The following MYO1C variants were observed in gnomAD, a reference collection of about 807,000 sequenced individuals.
The protein encoded by MYO1C is myosin IC.
A neutral mutation model predicts 150.8 loss-of-function variants in MYO1C; 104 were observed. The observed-to-expected ratio is 0.69, with a 90% confidence interval of 0.59 to 0.81. The LOEUF (loss-of-function observed/expected upper bound fraction) is 0.81. Ranked by LOEUF, MYO1C falls within the 30% of genes least tolerant of loss-of-function variation. The pLI is 0.00. For missense variants in MYO1C, 1,504 were observed against 1,435.0 expected (o/e 1.05, Z -0.78); for synonymous variants, 663 against 579.9 (o/e 1.14, Z -2.06).
intron 31 of MYO1C, 34 bp downstream of exon 31, chr17:1,467,208 C>A: frequency 6.3e-7 from 1 of 1,577,778 alleles, no homozygotes; most frequent in Non-Finnish European, 8.6e-7. Flanking sequence ...GCTATCACAG[C>A]CAGGCCATAA....
chr17:1,466,521 G>C (rs887832556), intron 31 of MYO1C, among the ~76,000 whole-genome samples: 4 of 152,024 alleles, frequency 2.6e-5, no homozygotes, highest in Non-Finnish European at 5.9e-5. Flanking sequence ...TAGAGATGGG[G>C]TTTCTCCAGT....
rs771747362 is a variant in MYO1C, at chr17:1,479,592, C to G, written c.1020G>C (p.Arg340Ser). Residue 340 changes from arginine to serine, a missense_variant and splice_region_variant, in exon 8 of 32, where the codon AGG (arginine) becomes AGC (serine). Transcript: ENST00000648651. The surrounding 1 kb of genome is among the most constrained non-coding windows in gnomAD (Gnocchi z 4.2). ...TTENQLKYLTRLLSVEGSTLR... is the reference protein window; with the variant it reads ...TTENQLKYLTSLLSVEGSTLR... ...GTCGCCCTCTGCCCGCCCCACTCAC[C>G]CTGGTCAGATACTTGAGCTGGTTCT... The G allele has an allele frequency of 6.2e-7, 1 of 1,611,350 alleles. No homozygotes were observed. Among genetic ancestry groups the G allele is most frequent in the South Asian group, 1.1e-5 (1 of 90,188 alleles).
chr17:1,480,531 A>C lies in MYO1C; in HGVS notation c.902T>G (p.Val301Gly). Residue 301 changes from valine to glycine, a missense_variant, in exon 7 of 32, where the codon GTG (valine) becomes GGG (glycine). Val to Gly is a moderately radical substitution (Grantham distance 109). Transcript: ENST00000648651. ...GGGTCCCGGAAGAGGCCTCACCTCC[A>C]CTTCATCCTCGGTGAAATCAATGAC... ...LTVIDFTEDE[V>G]EDLLSIVASV... 1.2e-6 allele frequency: 2 copies of C among 1,612,208 alleles called. No individual in the cohort carries two copies. The highest frequency in any genetic ancestry group is 1.7e-6 in the Non-Finnish European group (2 of 1,178,372).
chr17:1,470,305 G>T lies in MYO1C; in HGVS notation c.2396C>A (p.Ala799Asp). The T allele has an allele frequency of 6.4e-7, 1 of 1,570,258 alleles. No homozygotes were observed. The highest frequency in any genetic ancestry group is 8.6e-7 in the Non-Finnish European group (1 of 1,158,010). ...GAAGGCGTTCTCGGGGCAGCGGGGG[G>T]CGTGGCGCAGGACGAAGCCTCGGAT... Reference protein sequence around the residue: ...RLIRGFVLRHAPRCPENAFFL... With the variant: ...RLIRGFVLRHDPRCPENAFFL... The change falls in exon 24 of 32, where the codon GCC (alanine) becomes GAC (aspartate). Residue 799 changes from alanine (A) to aspartate (D), a missense_variant. Coordinates refer to ENST00000648651, the MANE Select transcript of MYO1C (RefSeq NM_001080779.2).
chr17:1,492,200 G>A (rs2074743061), intron 1 of MYO1C, among the ~76,000 whole-genome samples: 1 of 152,228 alleles, frequency 6.6e-6, no homozygotes, highest in African/African-American at 2.4e-5. Context: ...GAAGAGTCAA[G>A]CCCAGACCTC....
At position 1,482,965 on chromosome 17, in the gene MYO1C, C is replaced by A; in HGVS notation, c.442G>T (p.Glu148Ter). 6.2e-7 allele frequency: 1 copy of A among 1,612,170 alleles called. No individual in the cohort carries two copies. Among genetic ancestry groups the A allele is most frequent in the Non-Finnish European group, 8.5e-7 (1 of 1,179,844 alleles). The change falls in exon 4 of 32, where the codon GAG becomes TAG. Residue 148 changes from glutamate to a stop codon, truncating the protein, a stop_gained. Transcript: ENST00000648651. LOFTEE classifies it high-confidence loss of function. ...AACTGCAGCAGCCTCTTGGTGGCCT[C>A]GGTCTTGCCTGCCCCGCTCTCCCCA... ...ISGESGAGKTEATKRLLQFYA... is the reference protein window; with the variant it reads ...ISGESGAGKT
At chr17:1,471,853 G>A (rs1398305462) in intron 19 of MYO1C, 54 bp downstream of exon 19, 17 of 1,564,668 alleles carry the variant, frequency 1.1e-5, no homozygotes, top group South Asian at 4.4e-5. Context: ...TGGGACCTAG[G>A]GGCTCCTACC....
chr17:1,472,496 A>C, intron 17 of MYO1C: 2 of 503,308 alleles, frequency 4.0e-6, no homozygotes, highest in South Asian at 2.5e-5. Context: ...TCAGTGCTAC[A>C]CCTCCCTTTA....
chr17:1,472,314 G>A (rs1437523451), intron 17 of MYO1C, 86 bp from the exon 18 acceptor site: 77 of 1,163,442 alleles, frequency 6.6e-5, no homozygotes, highest in Non-Finnish European at 8.6e-5. Context: ...CCCCTGGCTG[G>A]TGACGCGCGC....
intron 1 of MYO1C, chr17:1,485,395 C>A: frequency 9.5e-7 from 1 of 1,049,872 alleles, no homozygotes; most frequent in South Asian, 3.2e-5. Flanking sequence ...GTCCTCACCG[C>A]CCCGCTCCAA....
At chr17:1,477,663 C>T in intron 13 of MYO1C, 67 bp from the exon 14 acceptor site, 1 of 1,306,212 alleles carries the variant, frequency 7.7e-7, no homozygotes. Flanking sequence ...GGATTGGGGT[C>T]ACCGTGCTGG....
Position 1,479,482 on chromosome 17 carries a change from C to T in MYO1C, c.1041G>A (p.Ser347=), listed in dbSNP as rs200721126. 2.0e-6 allele frequency: 3 copies of T among 1,518,342 alleles called. No homozygotes were observed. The highest frequency in any genetic ancestry group is 2.7e-6 in the Non-Finnish European group (3 of 1,117,838). The allele number at this position is 1,518,342 out of a possible 1,614,324, so 94.1% of individuals were successfully genotyped here. A position where few individuals can be genotyped will look rare whatever the true frequency, so the allele number is the denominator to read the frequency against. The part of the protein sequence containing the change: ...YLTRLLSVEG[S]TLREALTHRK... Reference sequence around the variant, plus strand: ...TGTGTGTCAGGGCTTCTCGCAGCGTCGAGCCTTCCACGCTGAGGAGCTGCC... The same window carrying T: ...TGTGTGTCAGGGCTTCTCGCAGCGTTGAGCCTTCCACGCTGAGGAGCTGCC... Residue 347 remains serine (S), a synonymous_variant, in exon 9 of 32, where the codon TCG becomes TCA. Transcript: ENST00000648651. This position sits in a 1 kb window ranked among gnomAD's most constrained non-coding sequence, Gnocchi z 4.2.
Position 1,474,659 on chromosome 17 carries a change from C to T in MYO1C, c.1748G>A (p.Ser583Asn). 1 of 1,614,032 alleles carries T rather than the reference C, an allele frequency of 6.2e-7. No homozygotes were observed. Among genetic ancestry groups the T allele is most frequent in the South Asian group, 1.1e-5 (1 of 91,080 alleles). Residue 583 changes from serine (S) to asparagine (N), a missense_variant, in exon 17 of 32, where the codon AGC becomes AAC. Coordinates refer to ENST00000648651, the MANE Select transcript of MYO1C (RefSeq NM_001080779.2). ...GAGCTCGCTCCGGTCAAAGCACTGGCTCATAATGGGATTCTTTGAGCTACA... is the reference window on the plus strand; with the variant it reads ...GAGCTCGCTCCGGTCAAAGCACTGGTTCATAATGGGATTCTTTGAGCTACA... ...TMCSSKNPIM[S>N]QCFDRSELSD...
chr17:1,491,605 T>A, intron 1 of MYO1C: 7 of 980,294 alleles, frequency 7.1e-6, no homozygotes, highest in Non-Finnish European at 8.5e-6. Context: ...CCCACCGGCG[T>A]GGCTCTTCCG....
intron 31 of MYO1C, 44 bp from the exon 32 acceptor site, chr17:1,465,796 C>CGG (rs2074158016): frequency 1.5e-6 from 2 of 1,298,598 alleles, no homozygotes; most frequent in Middle Eastern, 2.0e-4. Context: ...GGGGAGCAGA[C>CGG]GGGGGCCCCG....
intron 17 of MYO1C, among the ~76,000 whole-genome samples, chr17:1,472,939 G>A (rs1199987738): frequency 1.3e-5 from 2 of 152,136 alleles, no homozygotes; most frequent in Non-Finnish European, 1.5e-5. Context: ...GGTGGCTCAC[G>A]CCTGTCATCC....
intron 5 of MYO1C, among the ~76,000 whole-genome samples, chr17:1,481,558 T>G (rs187755235): frequency 1.2e-4 from 19 of 152,218 alleles, no homozygotes; most frequent in Admixed American, 9.2e-4. Context: ...TGGAGTGCAG[T>G]AGTGCAATCA....
intron 27 of MYO1C, 52 bp from the exon 28 acceptor site, chr17:1,468,175 G>T: frequency 6.2e-7 from 1 of 1,611,550 alleles, no homozygotes; most frequent in Non-Finnish European, 8.5e-7. Flanking sequence ...CCAAGGCTCC[G>T]CCCCTGCCCT....
intron 7 of MYO1C, 46 bp downstream of exon 7, chr17:1,480,481 T>TG: frequency 6.8e-7 from 1 of 1,476,074 alleles, no homozygotes; most frequent in Non-Finnish European, 9.5e-7. Flanking sequence ...AAGGAGATTT[T>TG]GGGGGTGTGA....
Sources: gnomAD v4.1 joint callset for allele counts (sites outside exome capture counted in the v4.1 genomes callset) on GRCh38, gnomAD v4.1.1 for gene constraint, Gnocchi (gnomAD v3.1) non-coding constraint, MANE v1.5 for transcripts, NCBI Gene and HGNC (gene_info 2026-07-23, HGNC 2026-07-21) for gene names.